DRC4: variants seen among roughly 807,000 people sequenced by gnomAD.
The protein encoded by DRC4 is dynein regulatory complex subunit 4.
chr16:90,026,129 G>C, the DRC4 span, among the ~76,000 whole-genome samples: 1 of 149,902 alleles, frequency 6.7e-6, no homozygotes, highest in South Asian at 2.1e-4. Flanking sequence ...TTTAAAAAAG[G>C]TTACCGAGAC....
At chr16:90,041,835 A>G in the DRC4 span, among the ~76,000 whole-genome samples, 4 of 152,166 alleles carry the variant, frequency 2.6e-5, no homozygotes, top group African/African-American at 9.6e-5. Flanking sequence ...ACAAGCCTCA[A>G]GAAATTTAAG....
chr16:90,031,508 C>G, the DRC4 span: 1 of 1,548,120 alleles, frequency 6.5e-7, no homozygotes, highest in Non-Finnish European at 8.7e-7. Flanking sequence ...TGAGTGGGGC[C>G]GGCCTGCACG....
the DRC4 span, chr16:90,036,806 G>A: frequency 7.0e-5 from 47 of 675,320 alleles, no homozygotes; most frequent in South Asian, 6.2e-4. Flanking sequence ...TGCCCTCACC[G>A]TAGTGCAGAG....
At chr16:90,043,878 G>A in the DRC4 span, 1 of 461,606 alleles carries the variant, frequency 2.2e-6, no homozygotes, top group Non-Finnish European at 4.5e-6. Flanking sequence ...CAGCGTGCGG[G>A]AACGGGCAGG....
chr16:90,044,066 A>C, the DRC4 span: 1 of 442,654 alleles, frequency 2.3e-6, no homozygotes. Context: ...ACCTGAGAGA[A>C]TTCAGCAGCC....
the DRC4 span, among the ~76,000 whole-genome samples, chr16:90,022,927 C>T: frequency 0.14 from 21,682 of 152,158 alleles, 2,543 homozygotes; most frequent in East Asian, 0.62. Flanking sequence ...GCACTCGGGA[C>T]TGAGACCTGG....
At chr16:90,028,238 G>A in the DRC4 span, among the ~76,000 whole-genome samples, 3 of 130,352 alleles carry the variant, frequency 2.3e-5, no homozygotes, top group African/African-American at 8.8e-5. Context: ...AGGCTGGAGT[G>A]CAGTGGCGCG....
the DRC4 span, among the ~76,000 whole-genome samples, chr16:90,030,772 A>G: frequency 6.9e-4 from 105 of 151,976 alleles, no homozygotes; most frequent in Non-Finnish European, 1.3e-3. Flanking sequence ...GCGTGCCATC[A>G]TGCCTAGTTA....
At chr16:90,019,951 G>A in the DRC4 span, 2 of 695,660 alleles carry the variant, frequency 2.9e-6, no homozygotes, top group South Asian at 1.5e-5. This position sits in a 1 kb window ranked among gnomAD's most constrained non-coding sequence, Gnocchi z 6.1. Flanking sequence ...GGCGGGATGG[G>A]GGATGGGAGG....
chr16:90,036,517 CT>C, the DRC4 span: 1 of 1,612,870 alleles, frequency 6.2e-7, no homozygotes. Flanking sequence ...ACGAGGAGGC[CT>C]TCACCGACAT....
the DRC4 span, chr16:90,040,284 A>C: frequency 1.3e-6 from 2 of 1,560,742 alleles, no homozygotes; most frequent in Admixed American, 1.9e-5. Flanking sequence ...GCCCACCCCC[A>C]GCGCTGTCCC....
the DRC4 span, chr16:90,042,557 C>T: frequency 6.2e-7 from 1 of 1,602,498 alleles, no homozygotes; most frequent in Non-Finnish European, 8.5e-7. Flanking sequence ...CCCTGCCCTC[C>T]CTCAGGGGCA....
chr16:90,035,623 C>T, the DRC4 span: 1 of 1,614,152 alleles, frequency 6.2e-7, no homozygotes, highest in Non-Finnish European at 8.5e-7. Flanking sequence ...GGCCGCTTCT[C>T]CCTGTGCAGA....
At chr16:90,041,421 G>A in the DRC4 span, among the ~76,000 whole-genome samples, 1 of 152,212 alleles carries the variant, frequency 6.6e-6, no homozygotes, top group Non-Finnish European at 1.5e-5. Flanking sequence ...ACAGGCAGGA[G>A]CCCAAGAAGT....
At chr16:90,034,892 CTTTTTTTTT>C in the DRC4 span, among the ~76,000 whole-genome samples, 1 of 53,846 alleles carries the variant, frequency 1.9e-5, no homozygotes, top group East Asian at 5.2e-4. Flanking sequence ...CCCACCTAAT[CTTTTTTTTT>C]TTTTTTTTTT....
chr16:90,032,257 G>T, the DRC4 span, among the ~76,000 whole-genome samples: 7 of 151,506 alleles, frequency 4.6e-5, no homozygotes, highest in African/African-American at 1.7e-4. Context: ...AGGAGGTGTG[G>T]TACAGGTGAC....
At chr16:90,023,955 G>A in the DRC4 span, among the ~76,000 whole-genome samples, 1 of 145,814 alleles carries the variant, frequency 6.9e-6, no homozygotes, top group Non-Finnish European at 1.5e-5. Flanking sequence ...TCGCACCACC[G>A]CACTCCAGCC....
At chr16:90,043,280 G>A in the DRC4 span, 1 of 1,613,570 alleles carries the variant, frequency 6.2e-7, no homozygotes, top group South Asian at 1.1e-5. Context: ...CAAGCCCTTG[G>A]AAACAGCTGT....
At chr16:90,038,297 T>C in the DRC4 span, among the ~76,000 whole-genome samples, 1 of 152,200 alleles carries the variant, frequency 6.6e-6, no homozygotes, top group Non-Finnish European at 1.5e-5. Context: ...GTTTCCTGCA[T>C]GCTCTCGTGT....
Sources: gnomAD v4.1 joint callset for allele counts (sites outside exome capture counted in the v4.1 genomes callset) on GRCh38, gnomAD v4.1.1 for gene constraint, Gnocchi (gnomAD v3.1) non-coding constraint, MANE v1.5 for transcripts, NCBI Gene and HGNC (gene_info 2026-07-23, HGNC 2026-07-21) for gene names.